Variants in TLN2 observed in about 807,000 individuals in gnomAD.
TLN2 encodes talin 2, also known as talin-2.
In TLN2, 118 loss-of-function variants were observed where a neutral mutation model predicts 294.7. The ratio of observed to expected loss-of-function variants is 0.40; its 90% CI spans 0.34 to 0.47. The LOEUF (loss-of-function observed/expected upper bound fraction) is 0.47. Among genes scored for constraint, TLN2 ranks in the 20% least tolerant of loss-of-function variants. The pLI, the probability that TLN2 is intolerant of heterozygous loss-of-function variation, is 0.84. For missense variants in TLN2, 3,083 were observed against 3,282.2 expected (o/e 0.94, Z 1.48); for synonymous variants, 1,431 against 1,304.5 (o/e 1.10, Z -2.09).
At chr15:62,763,270 T>A in intron 39 of TLN2, 1 of 220,304 alleles carries the variant, frequency 4.5e-6, no homozygotes, top group Non-Finnish European at 8.8e-6. Context: ...AGCCAGTGAA[T>A]AGAAAATCCA....
At chr15:62,589,393 A>G (rs1332318820) in intron 1 of TLN2, among the ~76,000 whole-genome samples, 1 of 152,192 alleles carries the variant, frequency 6.6e-6, no homozygotes, top group African/African-American at 2.4e-5. Context: ...GGATGTCTGT[A>G]TTTGGTTTTT....
chr15:62,505,590 C>T (rs1567039747), intron 1 of TLN2, among the ~76,000 whole-genome samples: 1 of 152,190 alleles, frequency 6.6e-6, no homozygotes, highest in Non-Finnish European at 1.5e-5. Context: ...CTGGTAGCCT[C>T]AGGCTGGAGT....
intron 1 of TLN2, among the ~76,000 whole-genome samples, chr15:62,454,620 A>G (rs1477543494): frequency 6.6e-6 from 1 of 152,158 alleles, no homozygotes; most frequent in African/African-American, 2.4e-5. Flanking sequence ...CCTGTGCCCC[A>G]TCCTTCCGTG....
chr15:62,650,244 G>A (rs1044682378), intron 5 of TLN2, 63 bp downstream of exon 5: 49 of 1,519,886 alleles, frequency 3.2e-5, no homozygotes, highest in African/African-American at 1.2e-4. Flanking sequence ...TTCCATAGAC[G>A]CCAACACGGT....
At chr15:62,729,282 C>T (rs974475621) in intron 28 of TLN2, among the ~76,000 whole-genome samples, 15 of 152,202 alleles carry the variant, frequency 9.9e-5, no homozygotes, top group African/African-American at 2.7e-4. Flanking sequence ...TGCACATCCT[C>T]AACTTTGTTG....
chr15:62,753,527 G>GCT (rs2062052568), intron 35 of TLN2, among the ~76,000 whole-genome samples: 1 of 152,156 alleles, frequency 6.6e-6, no homozygotes, highest in Non-Finnish European at 1.5e-5. Flanking sequence ...ATTTCTTGAG[G>GCT]CTCTCTCAGA....
chr15:62,423,181 C>A (rs2034511480), intron 1 of TLN2, among the ~76,000 whole-genome samples: 1 of 152,112 alleles, frequency 6.6e-6, no homozygotes, highest in Non-Finnish European at 1.5e-5. Flanking sequence ...ATTGCTTGAG[C>A]TCAGGGGTTC....
chr15:62,762,168 A>G, intron 38 of TLN2, 104 bp from the exon 39 acceptor site: 1 of 1,309,842 alleles, frequency 7.6e-7, no homozygotes, highest in East Asian at 2.3e-5. Flanking sequence ...GTCTCCTTCA[A>G]AGGGCAGAGG....
chr15:62,826,505 C>T (rs1397641847), intron 54 of TLN2, among the ~76,000 whole-genome samples: 1 of 152,182 alleles, frequency 6.6e-6, no homozygotes, highest in African/African-American at 2.4e-5. Flanking sequence ...ATGCCTGGCT[C>T]TTAGCAGTTC....
intron 1 of TLN2, among the ~76,000 whole-genome samples, chr15:62,391,079 C>T (rs2032036718): frequency 6.6e-6 from 1 of 152,242 alleles, no homozygotes. Flanking sequence ...AGCGGCCCCG[C>T]CTGCATAGAG....
intron 41 of TLN2, among the ~76,000 whole-genome samples, chr15:62,768,503 T>C (rs2141040822): frequency 6.6e-6 from 1 of 152,328 alleles, no homozygotes; most frequent in South Asian, 2.1e-4. Flanking sequence ...TAAATGCACC[T>C]GCAAACACCC....
rs117912195 is a variant in TLN2, at chr15:62,827,505, G to A, written c.7003-5999G>A. Among the ~76,000 whole-genome samples the A allele has an allele frequency of 2.5e-3, 382 of 152,274 alleles. 6 individuals are homozygous for A. Among genetic ancestry groups the A allele is most frequent in the East Asian group, 0.024 (122 of 5,178 alleles). ...AACTGATACCTGGAGAAAGGGCAGC[G>A]AAGACTCCACAGTCACATAGTCAAA... On this transcript the variant is annotated intron_variant, in intron 54 of 58. Transcript: ENST00000636159.
At chr15:62,445,126 G>A (rs2035750033) in intron 1 of TLN2, among the ~76,000 whole-genome samples, 1 of 152,170 alleles carries the variant, frequency 6.6e-6, no homozygotes, top group Non-Finnish European at 1.5e-5. Flanking sequence ...TGGCAGAATT[G>A]ATCTTTAAGA....
intron 1 of TLN2, among the ~76,000 whole-genome samples, chr15:62,439,574 A>G (rs1225560813): frequency 1.3e-5 from 2 of 152,100 alleles, no homozygotes; most frequent in East Asian, 3.9e-4. Context: ...TGGCCTCCCA[A>G]AGTGCTTGGA....
At chr15:62,498,770 AT>A (rs2039150683) in intron 1 of TLN2, among the ~76,000 whole-genome samples, 1 of 152,108 alleles carries the variant, frequency 6.6e-6, no homozygotes, top group African/African-American at 2.4e-5. Flanking sequence ...TCATATATAA[AT>A]ACTAATCAGT....
chr15:62,800,907 T>A, intron 50 of TLN2, 138 bp downstream of exon 50: 1 of 666,208 alleles, frequency 1.5e-6, no homozygotes, highest in Non-Finnish European at 2.5e-6. Flanking sequence ...TGCCTGCTGG[T>A]AGCTTTATAT....
intron 3 of TLN2, chr15:62,644,471 A>G (rs1386263065): frequency 2.2e-6 from 1 of 455,154 alleles, no homozygotes; most frequent in South Asian, 1.6e-5. Flanking sequence ...TTTGCGTTCA[A>G]TTCTATATTC....
In TLN2 at chr15:62,656,079, A is replaced by G; in HGVS notation, c.653A>G (p.Tyr218Cys). 1 of 1,614,156 alleles carries G rather than the reference A, an allele frequency of 6.2e-7. No individual in the cohort carries two copies. The highest frequency in any genetic ancestry group is 1.1e-5 in the South Asian group (1 of 91,070). ...SRDPVQLNLL[Y>C]VQARDDILNG... ...GACCCCGTGCAGCTGAACTTGCTTT[A>G]TGTTCAGGTACAGTATTTACTGCTC... Residue 218 changes from tyrosine to cysteine, a missense_variant, in exon 8 of 59, where the codon TAT becomes TGT. Transcript: ENST00000636159.
chr15:62,396,732 A>G (rs973605923), intron 1 of TLN2, among the ~76,000 whole-genome samples: 2 of 143,238 alleles, frequency 1.4e-5, no homozygotes, highest in African/African-American at 5.1e-5. Flanking sequence ...TTTTTTTTTT[A>G]CTTTTAGACA....
Sources: allele counts gnomAD v4.1 joint callset (sites outside exome capture counted in the v4.1 genomes callset), GRCh38; gene constraint gnomAD v4.1.1; transcripts MANE v1.5; gene names NCBI Gene and HGNC (gene_info 2026-07-23, HGNC 2026-07-21).